The following HHLA1 variants were observed in gnomAD, a reference collection of about 807,000 sequenced individuals.
The protein encoded by HHLA1 is HHLA1 neighbor of OC90, also known as HERV-H LTR-associating protein 1.
HHLA1 carries 72 observed loss-of-function variants against 69.9 expected under a neutral mutation model. That is an observed-to-expected ratio of 1.03 (90% CI 0.85 to 1.25). The LOEUF (loss-of-function observed/expected upper bound fraction) is 1.25, where lower values mean the gene tolerates loss of function less well. HHLA1 is among the 50% of genes most tolerant of loss of function. The pLI is 0.00. For synonymous variants in HHLA1, 252 were observed against 233.2 expected (o/e 1.08, Z -0.73); for missense variants, 685 against 642.2 (o/e 1.07, Z -0.72).
intron 15 of HHLA1, among the ~76,000 whole-genome samples, chr8:132,069,404 C>T (rs1244789295): frequency 2.0e-5 from 3 of 152,062 alleles, no homozygotes; most frequent in African/African-American, 7.3e-5. Context: ...AGGCTACGTT[C>T]AGCAAACATA....
rs78931088 is a variant in HHLA1 at position 132,097,132 on chromosome 8, C to T, written c.281-1346G>A. On this transcript the variant is annotated intron_variant, in intron 5 of 16. Transcript: ENST00000414222. ...GGAGACCCCAATGCCATACACTGAGCGGGAACCAGACTCTGTATTTAATAA... is the reference window on the plus strand; with the variant it reads ...GGAGACCCCAATGCCATACACTGAGTGGGAACCAGACTCTGTATTTAATAA... Among the ~76,000 whole-genome samples, 412 of 152,230 alleles carry T rather than the reference C, an allele frequency of 2.7e-3. 18 individuals are homozygous for T. In the East Asian group the frequency reaches 0.061, roughly 22 times the overall value.
intron 1 of HHLA1, among the ~76,000 whole-genome samples, chr8:132,108,376 A>G (rs1008623068): frequency 6.6e-6 from 1 of 152,226 alleles, no homozygotes; most frequent in African/African-American, 2.4e-5. Flanking sequence ...AGTAAGCAAG[A>G]CAGATAATGT....
At chr8:132,085,479 T>C (rs928161139) in intron 10 of HHLA1, 5 of 387,106 alleles carry the variant, frequency 1.3e-5, no homozygotes, top group African/African-American at 8.7e-5. Context: ...ATCTTTCTCA[T>C]GGAGCAAAGA....
At chr8:132,080,911 G>T (rs550122891) in intron 10 of HHLA1, 2 of 152,006 alleles carry the variant, frequency 1.3e-5, no homozygotes, top group Non-Finnish European at 1.5e-5. Flanking sequence ...AACATTTGTT[G>T]TATAGAATGA....
intron 12 of HHLA1, among the ~76,000 whole-genome samples, chr8:132,077,092 G>A (rs1376612731): frequency 6.6e-6 from 1 of 152,062 alleles, no homozygotes; most frequent in East Asian, 1.9e-4. Flanking sequence ...CAGTCTCCTT[G>A]TAGGAGACCA....
chr8:132,071,040 T>C (rs759659079), intron 15 of HHLA1, among the ~76,000 whole-genome samples: 45 of 152,056 alleles, frequency 3.0e-4, no homozygotes, highest in Non-Finnish European at 1.0e-4. Context: ...TCTCAACTCA[T>C]CACAACTCCA....
At chr8:132,069,128 T>C (rs1386549281) in intron 15 of HHLA1, among the ~76,000 whole-genome samples, 1 of 152,092 alleles carries the variant, frequency 6.6e-6, no homozygotes, top group Non-Finnish European at 1.5e-5. Context: ...TGGTCTCCCA[T>C]CTTTGCTGCA....
chr8:132,080,991 G>C (rs1241217752), intron 10 of HHLA1: 1 of 152,060 alleles, frequency 6.6e-6, no homozygotes, highest in Non-Finnish European at 1.5e-5. Context: ...GAGAAAAACA[G>C]GTATAAAAGG....
At chr8:132,076,184 TACAC>T in intron 13 of HHLA1, 55 bp from the exon 14 acceptor site, 1 of 1,201,036 alleles carries the variant, frequency 8.3e-7, no homozygotes, top group Non-Finnish European at 1.2e-6. Context: ...CCTTAGGTGA[TACAC>T]ACAGCAAGAA....
chr8:132,109,331 G>A (rs2436105), intron 1 of HHLA1, among the ~76,000 whole-genome samples: 24,267 of 152,160 alleles, frequency 0.16, 2,586 homozygotes, highest in Middle Eastern at 0.27. Context: ...TTGATCTACC[G>A]GCCTCGGTCT....
chr8:132,088,029 A>T (rs984752049), intron 8 of HHLA1, 128 bp from the exon 9 acceptor site: 6 of 724,328 alleles, frequency 8.3e-6, no homozygotes, highest in Admixed American at 6.9e-5. Flanking sequence ...CTGACTCTTT[A>T]CTCTTAAGGC....
intron 5 of HHLA1, among the ~76,000 whole-genome samples, chr8:132,098,557 G>A (rs1176369493): frequency 6.6e-6 from 1 of 152,020 alleles, no homozygotes; most frequent in African/African-American, 2.4e-5. Flanking sequence ...GACCTTCTGG[G>A]CTCCAGCAAT....
At chr8:132,083,009 G>A (rs1001674881) in intron 10 of HHLA1, among the ~76,000 whole-genome samples, 17 of 151,420 alleles carry the variant, frequency 1.1e-4, no homozygotes, top group Non-Finnish European at 4.4e-5. Context: ...GGGTGATTAG[G>A]TTTTAATGAG....
chr8:132,095,915 CA>C (rs1824019605), intron 5 of HHLA1, 129 bp from the exon 6 acceptor site: 10 of 575,282 alleles, frequency 1.7e-5, no homozygotes, highest in Non-Finnish European at 3.0e-5. Context: ...AAGAAACAAA[CA>C]AAAAAGTAAT....
intron 16 of HHLA1, among the ~76,000 whole-genome samples, chr8:132,064,371 T>A (rs1823402437): frequency 6.6e-6 from 1 of 152,236 alleles, no homozygotes; most frequent in African/African-American, 2.4e-5. Context: ...AGTTGTTCAG[T>A]AAATGTAATA....
At chr8:132,070,440 A>T in intron 15 of HHLA1, 1 of 697,274 alleles carries the variant, frequency 1.4e-6, no homozygotes, top group South Asian at 1.5e-5. Flanking sequence ...CGCCAGGCTG[A>T]GGGCATTTGG....
rs184400519 is a variant in HHLA1, at chr8:132,062,184, T to G, written c.*1811A>C. 3.9e-4 allele frequency: 59 copies of G among 152,360 alleles called. No homozygotes were observed. The highest frequency in any genetic ancestry group is 1.4e-3 in the African/African-American group (59 of 41,588). 9.4% of individuals were successfully genotyped at this position (152,360 alleles called of 1,614,324 possible). A position where few individuals can be genotyped will look rare whatever the true frequency, so the allele number is the denominator to read the frequency against. ...CTATCCAGGTAGAAGTCCCTTTGCCTCCCAGAAAATTTGCTGTATCCTCTT... is the reference window on the plus strand; with the variant it reads ...CTATCCAGGTAGAAGTCCCTTTGCCGCCCAGAAAATTTGCTGTATCCTCTT... On this transcript the variant is annotated 3_prime_UTR_variant, in exon 17 of 17. Coordinates refer to ENST00000414222, the MANE Select transcript of HHLA1 (RefSeq NM_001145095.3).
intron 10 of HHLA1, chr8:132,085,629 G>T (rs1823847925): frequency 6.1e-6 from 1 of 163,748 alleles, no homozygotes; most frequent in Non-Finnish European, 1.3e-5. Context: ...CTGGGTGCAG[G>T]CGGGCTGAGT....
Position 132,098,957 on chromosome 8 carries a change from G to T in HHLA1, c.205C>A (p.Pro69Thr). The T allele has an allele frequency of 6.5e-7, 1 of 1,548,676 alleles. No individual in the cohort carries two copies. The highest frequency in any genetic ancestry group is 8.7e-7 in the Non-Finnish European group (1 of 1,145,222). The change falls in exon 5 of 17, where the codon CCC (proline) becomes ACC (threonine). Residue 69 changes from proline to threonine, a missense_variant. Coordinates refer to ENST00000414222, the MANE Select transcript of HHLA1 (RefSeq NM_001145095.3). ...GVAFLATTEL[P>T]ARSIDLSALN... ...GCGGACAGATCGATTGACCTTGCGG[G>T]CAGCTCTGAAAGAGATTCAGAGATA...
Sources: gnomAD v4.1 joint callset for allele counts (sites outside exome capture counted in the v4.1 genomes callset) on GRCh38, gnomAD v4.1.1 for gene constraint, MANE v1.5 for transcripts, NCBI Gene and HGNC (gene_info 2026-07-23, HGNC 2026-07-21) for gene names.